The following MSRA variants were observed in gnomAD, a reference collection of about 807,000 sequenced individuals.
The protein encoded by MSRA is mitochondrial peptide methionine sulfoxide reductase.
A neutral mutation model predicts 31.3 loss-of-function variants in MSRA; 54 were observed. The observed-to-expected ratio is 1.73, with a 90% CI of 1.39 to 2.17. The LOEUF is 2.17. Ranked by LOEUF, MSRA falls within the 30% of genes most tolerant of loss-of-function variation. The pLI, the probability that MSRA is intolerant of heterozygous loss-of-function variation, is 0.00. For synonymous variants in MSRA, 169 were observed against 116.5 expected (o/e 1.45, Z -2.90); for missense variants, 507 against 300.9 (o/e 1.69, Z -5.07).
intron 1 of MSRA, among the ~76,000 whole-genome samples, chr8:10,157,450 G>T (rs777747433): frequency 2.6e-5 from 4 of 152,074 alleles, no homozygotes; most frequent in Non-Finnish European, 5.9e-5. Flanking sequence ...CATTTTCAAA[G>T]AATTTTTAAA....
At chr8:10,065,683 G>C (rs1265677884) in intron 1 of MSRA, among the ~76,000 whole-genome samples, 1 of 152,228 alleles carries the variant, frequency 6.6e-6, no homozygotes, top group Non-Finnish European at 1.5e-5. Flanking sequence ...AGAATAAGGA[G>C]ATTTATGAAA....
intron 1 of MSRA, among the ~76,000 whole-genome samples, chr8:10,167,506 C>A (rs544376896): frequency 6.6e-6 from 1 of 152,066 alleles, no homozygotes; most frequent in African/African-American, 2.4e-5. Context: ...TTATTTCTTC[C>A]CTTTAAATCT....
At chr8:10,317,178 C>T (rs1414765125) in intron 4 of MSRA, among the ~76,000 whole-genome samples, 3 of 152,234 alleles carry the variant, frequency 2.0e-5, no homozygotes, top group Non-Finnish European at 4.4e-5. Context: ...GACCCTGAGG[C>T]GTTGTTCCTG....
At position 10,397,522 on chromosome 8, in the gene MSRA, T is replaced by A. The variant is rs928620573; in HGVS notation, c.544-30626T>A. ...TGTGCTCTTCTTTGGGAGTGTTCAC[T>A]GGTCCAGGCTTCAGGGTGCTTCTCA... On this transcript the variant is annotated intron_variant, in intron 5 of 5. Transcript: ENST00000317173. Among the ~76,000 whole-genome samples, 76 of 152,332 alleles carry A rather than the reference T, an allele frequency of 5.0e-4. 1 individual carries two copies. Among genetic ancestry groups the A allele is most frequent in the African/African-American group, 1.7e-3 (72 of 41,578 alleles).
chr8:10,221,792 A>C (rs1171746927), intron 2 of MSRA, among the ~76,000 whole-genome samples: 1 of 145,578 alleles, frequency 6.9e-6, no homozygotes, highest in East Asian at 2.6e-4. Context: ...TAACATAGTC[A>C]GAGAAGTCAT....
chr8:10,161,994 G>A (rs747474476), intron 1 of MSRA, among the ~76,000 whole-genome samples: 16 of 152,332 alleles, frequency 1.1e-4, no homozygotes, highest in South Asian at 2.1e-4. Context: ...ATCCCAGCTC[G>A]CAGCAGGTGC....
chr8:10,356,293 TAA>T (rs900882963), intron 5 of MSRA, among the ~76,000 whole-genome samples: 2 of 152,194 alleles, frequency 1.3e-5, no homozygotes, highest in Non-Finnish European at 2.9e-5. Context: ...CTTTTTGTTG[TAA>T]AAAAAGACAG....
At chr8:10,243,761 T>C (rs965922941) in intron 2 of MSRA, among the ~76,000 whole-genome samples, 2 of 152,208 alleles carry the variant, frequency 1.3e-5, no homozygotes, top group African/African-American at 4.8e-5. Context: ...AAATCTTTAG[T>C]AGTTATAATA....
chr8:10,127,188 C>G (rs1006348592), intron 1 of MSRA, among the ~76,000 whole-genome samples: 1 of 151,986 alleles, frequency 6.6e-6, no homozygotes, highest in African/African-American at 2.4e-5. Flanking sequence ...TTTTTCTTTA[C>G]TCTTCAAGTT....
intron 1 of MSRA, among the ~76,000 whole-genome samples, chr8:10,203,946 C>A (rs1484075612): frequency 6.6e-6 from 1 of 151,296 alleles, no homozygotes; most frequent in Non-Finnish European, 1.5e-5. Flanking sequence ...TAGTTTTCAA[C>A]AGAAAATTTA....
At chr8:10,182,564 T>C (rs1806636166) in intron 1 of MSRA, among the ~76,000 whole-genome samples, 1 of 152,198 alleles carries the variant, frequency 6.6e-6, no homozygotes, top group Non-Finnish European at 1.5e-5. Flanking sequence ...TATTTATTTA[T>C]TTATTTATTT....
At chr8:10,254,556 A>T (rs866734785) in intron 3 of MSRA, among the ~76,000 whole-genome samples, 7 of 152,328 alleles carry the variant, frequency 4.6e-5, no homozygotes, top group Middle Eastern at 3.4e-3. Flanking sequence ...AACTCATTCT[A>T]CCTACTAATC....
At chr8:10,271,780 G>T (rs1177988916) in intron 3 of MSRA, among the ~76,000 whole-genome samples, 1 of 150,216 alleles carries the variant, frequency 6.7e-6, no homozygotes, top group Non-Finnish European at 1.5e-5. Flanking sequence ...GTACAGTGGC[G>T]CGATCTTGGC....
At chr8:10,164,293 C>T (rs970125840) in intron 1 of MSRA, among the ~76,000 whole-genome samples, 1 of 152,192 alleles carries the variant, frequency 6.6e-6, no homozygotes, top group Non-Finnish European at 1.5e-5. Flanking sequence ...TGTTAAATTT[C>T]CTGTAAATCC....
intron 1 of MSRA, among the ~76,000 whole-genome samples, chr8:10,179,484 G>A (rs1006569323): frequency 6.6e-6 from 1 of 152,200 alleles, no homozygotes; most frequent in Non-Finnish European, 1.5e-5. Flanking sequence ...ATTCTGAACA[G>A]AAGGGTTTTT....
At chr8:10,215,639 C>T (rs1395857348) in intron 2 of MSRA, among the ~76,000 whole-genome samples, 1 of 152,232 alleles carries the variant, frequency 6.6e-6, no homozygotes, top group South Asian at 2.1e-4. Context: ...TGGCTGGGTA[C>T]TGAGAAGCCC....
chr8:10,072,150 G>T (rs1379507844), intron 1 of MSRA, among the ~76,000 whole-genome samples: 1 of 152,134 alleles, frequency 6.6e-6, no homozygotes, highest in Admixed American at 6.5e-5. Flanking sequence ...TGAGCTTGCA[G>T]CAGTGAGAGA....
At chr8:10,206,789 T>C (rs1311603601) in intron 1 of MSRA, among the ~76,000 whole-genome samples, 1 of 152,242 alleles carries the variant, frequency 6.6e-6, no homozygotes, top group African/African-American at 2.4e-5. Context: ...TCCGTCCACA[T>C]GGCAGGACTT....
intron 2 of MSRA, among the ~76,000 whole-genome samples, chr8:10,221,489 C>G (rs1373281148): frequency 2.0e-5 from 3 of 151,608 alleles, no homozygotes; most frequent in Non-Finnish European, 4.4e-5. Flanking sequence ...GATGAGAAAA[C>G]TAAGGCTCAG....
Sources: allele counts gnomAD v4.1 joint callset (sites outside exome capture counted in the v4.1 genomes callset), GRCh38; gene constraint gnomAD v4.1.1; transcripts MANE v1.5; gene names NCBI Gene and HGNC (gene_info 2026-07-23, HGNC 2026-07-21).